The following SPTB variants were observed in gnomAD, a reference collection of about 807,000 sequenced individuals.
SPTB encodes the protein spectrin beta, erythrocytic.
A neutral mutation model predicts 256.2 loss-of-function variants in SPTB; 45 were observed. The ratio of observed to expected loss-of-function variants is 0.18; its 90% CI spans 0.14 to 0.23. The LOEUF (loss-of-function observed/expected upper bound fraction) is 0.23. Among genes scored for constraint, SPTB ranks in the 10% least tolerant of loss-of-function variants. The probability of loss-of-function intolerance (pLI) is 1.00; values close to 1 mark genes in which losing one functional copy is unlikely to be tolerated. For synonymous variants in SPTB, 1,231 were observed against 1,243.1 expected, an observed-to-expected ratio of 0.99 and a Z score of 0.21; for missense variants, 2,715 against 3,040.4, an observed-to-expected ratio of 0.89 and a Z score of 2.52.
intron 10 of SPTB, 105 bp downstream of exon 10, chr14:64,797,624 C>T (rs2082801059): frequency 2.1e-6 from 2 of 959,592 alleles, no homozygotes; most frequent in Admixed American, 3.4e-5. Context: ...TTAATAACAT[C>T]AAAGAAAGTG....
In SPTB at chr14:64,796,592, T is replaced by G; in HGVS notation, c.1306A>C (p.Thr436Pro). 1 of 1,614,100 alleles carries G rather than the reference T, an allele frequency of 6.2e-7. No individual in the cohort carries two copies. The highest frequency in any genetic ancestry group is 8.5e-7 in the Non-Finnish European group (1 of 1,179,960). ...RFDRKAAMRE[T>P]WLSENQRLVA... ...AGGCGCTGGTTTTCACTGAGCCAGG[T>G]CTCTCTCATTGCGGCCTTCCGGTCA... is the stretch of plus-strand genomic sequence containing the variant. Residue 436 changes from threonine to proline, a missense_variant, in exon 11 of 36, where the codon ACC becomes CCC. Thr to Pro is a conservative substitution (Grantham distance 38). Around this residue, in one of 4 missense-constraint regions of SPTB, gnomAD observed 416 missense variants for 571.1 expected, o/e 0.73. Transcript: ENST00000644917. This position sits in a 1 kb window ranked among gnomAD's most constrained non-coding sequence, Gnocchi z 4.1.
chr14:64,750,877 A>G (rs928011151), intron 33 of SPTB, among the ~76,000 whole-genome samples: 7 of 146,440 alleles, frequency 4.8e-5, no homozygotes, highest in Non-Finnish European at 1.0e-4. Flanking sequence ...CCTATTATGT[A>G]TAATATATAT....
Position 64,799,954 on chromosome 14 carries a change from C to T in SPTB, c.877-20G>A, listed in dbSNP as rs1033646874. On this transcript the variant is annotated intron_variant, in intron 8 of 35. Coordinates refer to ENST00000644917, the MANE Select transcript of SPTB (RefSeq NM_001355436.2). Reference sequence around the variant, plus strand: ...AATAACCTAAGGAATCATCTTCTTACTTATTCTCATCAGAAGGGCAATGCC... The same window carrying T: ...AATAACCTAAGGAATCATCTTCTTATTTATTCTCATCAGAAGGGCAATGCC... The T allele has an allele frequency of 6.2e-7, 1 of 1,613,708 alleles. No homozygotes were observed. The highest frequency in any genetic ancestry group is 8.5e-7 in the Non-Finnish European group (1 of 1,179,908).
In SPTB at chr14:64,760,353, C is replaced by T. The variant is rs2082076248; in HGVS notation, c.6345+6373G>A. On this transcript the variant is annotated intron_variant, in intron 32 of 35. Coordinates refer to ENST00000644917, the MANE Select transcript of SPTB (RefSeq NM_001355436.2). This position sits in a 1 kb window ranked among gnomAD's most constrained non-coding sequence, Gnocchi z 4.3. ...GGAGGTGAAGGTGTATGTCCAGGCT[C>T]AACCAGCAGGTGGCGCGGGGGACTG... Among the ~76,000 whole-genome samples, 1 of 152,150 alleles carries T rather than the reference C, an allele frequency of 6.6e-6. No individual in the cohort carries two copies. Among genetic ancestry groups the T allele is most frequent in the African/African-American group, 2.4e-5 (1 of 41,428 alleles).
In SPTB at chr14:64,873,212, T is replaced by C. The variant is rs189599865; in HGVS notation, c.-52+6580A>G. On this transcript the variant is annotated intron_variant, in intron 1 of 35. Transcript: ENST00000644917. This position sits in a 1 kb window ranked among gnomAD's most constrained non-coding sequence, Gnocchi z 4.3. ...CTTGAAATTACAATATATATTTTTG[T>C]CTGTTGCTTGTCATTTAGTTCCTCT... Among the ~76,000 whole-genome samples, 2 of 152,368 alleles carry C rather than the reference T, an allele frequency of 1.3e-5. No individual in the cohort carries two copies. The highest frequency in any genetic ancestry group is 3.9e-4 in the East Asian group (2 of 5,190).
Position 64,799,877 on chromosome 14 carries a change from A to G in SPTB, c.934T>C (p.Ser312Pro). 3 of 1,614,222 alleles carry G rather than the reference A, an allele frequency of 1.9e-6. No homozygotes were observed. The highest frequency in any genetic ancestry group is 2.5e-6 in the Non-Finnish European group (3 of 1,180,044). The change falls in exon 9 of 36, where the codon TCG (serine) becomes CCG (proline). Residue 312 changes from serine to proline, a missense_variant. Ser to Pro is a moderately conservative substitution (Grantham distance 74). Coordinates refer to ENST00000644917, the MANE Select transcript of SPTB (RefSeq NM_001355436.2). ...KMIEKYSGLA[S>P]DLLTWIEQTI... ...TGCTCGATCCAGGTGAGCAGGTCCGAGGCTAGCCCGCTGTACTTTTCAATC... is the reference window on the plus strand; with the variant it reads ...TGCTCGATCCAGGTGAGCAGGTCCGGGGCTAGCCCGCTGTACTTTTCAATC...
chr14:64,866,709 C>A lies in SPTB; in HGVS notation c.-52+13083G>T, dbSNP rs1027620966. On this transcript the variant is annotated intron_variant, in intron 1 of 35. Coordinates refer to ENST00000644917, the MANE Select transcript of SPTB (RefSeq NM_001355436.2). This position sits in a 1 kb window ranked among gnomAD's most constrained non-coding sequence, Gnocchi z 4.6. The stretch of plus-strand genomic sequence containing the variant: ...TGAGTCCAGCCGTTGGTGAGGCTCA[C>A]TTTTTGTCCGGGTAAGGCAGAAATG... 6.6e-6 allele frequency among the ~76,000 whole-genome samples: 1 copy of A among 152,070 alleles called. No individual in the cohort carries two copies. Among genetic ancestry groups the A allele is most frequent in the Non-Finnish European group, 1.5e-5 (1 of 68,006 alleles).
In SPTB at chr14:64,795,667, C is replaced by T. The variant is rs755382994; in HGVS notation, c.1342-28G>A. 2 of 1,612,882 alleles carry T rather than the reference C, an allele frequency of 1.2e-6. No homozygotes were observed. Among genetic ancestry groups the T allele is most frequent in the Non-Finnish European group, 1.7e-6 (2 of 1,179,722 alleles). On this transcript the variant is annotated intron_variant, in intron 11 of 35. Coordinates refer to ENST00000644917, the MANE Select transcript of SPTB (RefSeq NM_001355436.2). This position sits in a 1 kb window ranked among gnomAD's most constrained non-coding sequence, Gnocchi z 6.5. ...GCCCCACCGGGAGAAAAACAGGCAG[C>T]TCAGTCAGACACCCAGGGGCTCATC...
rs1189194929 is a variant in SPTB, at chr14:64,791,732, G to A, written c.2791C>T (p.His931Tyr). The A allele has an allele frequency of 2.5e-6, 4 of 1,614,146 alleles. No homozygotes were observed. Among genetic ancestry groups the A allele is most frequent in the African/African-American group, 1.3e-5 (1 of 75,032 alleles). Residue 931 changes from histidine (H) to tyrosine (Y), a missense_variant, in exon 15 of 36, where the codon CAT becomes TAT. His to Tyr is a moderately conservative substitution (Grantham distance 83, BLOSUM62 2). Transcript: ENST00000644917. ...CCCACACCCCACCTGGTGTTCAGAT[G>A]GTCCTGGTACTGCTTCACCTCCCTG... ...RSREVKQYQD[H>Y]LNTRWQAFQT... is the part of the protein sequence containing the mutation.
chr14:64,865,834 A>G (rs1882150392), intron 1 of SPTB, among the ~76,000 whole-genome samples: 3 of 151,308 alleles, frequency 2.0e-5, no homozygotes, highest in Admixed American at 2.0e-4. Flanking sequence ...ATCTTACTTC[A>G]CTCCCCGTAC....
At chr14:64,843,344 AG>A (rs2083637400) in intron 1 of SPTB, among the ~76,000 whole-genome samples, 1 of 152,162 alleles carries the variant, frequency 6.6e-6, no homozygotes, top group African/African-American at 2.4e-5. Context: ...CAGGATGCAG[AG>A]CAGTCACGCA....
chr14:64,747,568 A>ACAT lies in SPTB; in HGVS notation c.*1735_*1737dup. The ACAT allele has an allele frequency of 6.6e-6, 1 of 152,512 alleles. No homozygotes were observed. Among genetic ancestry groups the ACAT allele is most frequent in the East Asian group, 1.9e-4 (1 of 5,172 alleles). 9.4% of individuals were successfully genotyped at this position (152,512 alleles called of 1,614,324 possible). On this transcript the variant is annotated 3_prime_UTR_variant, in exon 36 of 36. Coordinates refer to ENST00000644917, the MANE Select transcript of SPTB (RefSeq NM_001355436.2). ...GCCTGCTGCAGTTGGTGTCACCCTG[A>ACAT]CATATAGTGTCAGGGCCACAGGGTG...
chr14:64,857,875 C>T (rs925350609), intron 1 of SPTB, among the ~76,000 whole-genome samples: 3 of 152,062 alleles, frequency 2.0e-5, no homozygotes, highest in Non-Finnish European at 4.4e-5. Context: ...ATGAGATCTG[C>T]TAAAAAGCAA....
At position 64,772,506 on chromosome 14, in the gene SPTB, G is replaced by A; in HGVS notation, c.5553+74C>T. ...CACTTATCCTAGAGGTTTTCCTGCT[G>A]ACAGCCAGGTGGGGACTGACACCCA... On this transcript the variant is annotated intron_variant, in intron 26 of 35. Coordinates refer to ENST00000644917, the MANE Select transcript of SPTB (RefSeq NM_001355436.2). This position sits in a 1 kb window ranked among gnomAD's most constrained non-coding sequence, Gnocchi z 5.4. The A allele has an allele frequency of 1.3e-6, 2 of 1,578,828 alleles. No homozygotes were observed. The highest frequency in any genetic ancestry group is 2.2e-4 in the Middle Eastern group (1 of 4,462).
intron 2 of SPTB, among the ~76,000 whole-genome samples, chr14:64,813,338 TCAGAAAGATAAGTAGGA>T (rs1013959900): frequency 1.3e-5 from 2 of 152,016 alleles, no homozygotes; most frequent in African/African-American, 4.8e-5. Context: ...AACTAGGAGG[TCAGAAAGATAAGTAGGA>T]GCCAAGGCAC....
Position 64,792,506 on chromosome 14 carries a change from T to G in SPTB, c.2666+491A>C, listed in dbSNP as rs933595902. Among the ~76,000 whole-genome samples, 1 of 152,154 alleles carries G rather than the reference T, an allele frequency of 6.6e-6. No homozygotes were observed. The highest frequency in any genetic ancestry group is 1.5e-5 in the Non-Finnish European group (1 of 68,024). The stretch of plus-strand genomic sequence containing the variant: ...GATGCTGCACAGACTGGGGCATGCC[T>G]CATCATCTGGGGTGCTGACAAAATC... On this transcript the variant is annotated intron_variant, in intron 14 of 35. Coordinates refer to ENST00000644917, the MANE Select transcript of SPTB (RefSeq NM_001355436.2). This position sits in a 1 kb window ranked among gnomAD's most constrained non-coding sequence, Gnocchi z 4.2.
intron 32 of SPTB, among the ~76,000 whole-genome samples, chr14:64,757,822 G>A (rs988277516): frequency 2.4e-4 from 37 of 151,914 alleles, no homozygotes; most frequent in African/African-American, 6.8e-4. Flanking sequence ...AGGGAGTAAG[G>A]AGGACAGGGA....
rs8017473 is a variant in SPTB at position 64,772,020 on chromosome 14, G to A, written c.5553+560C>T. Among the ~76,000 whole-genome samples the A allele has an allele frequency of 0.049, 7,452 of 152,260 alleles. 654 individuals carry two copies. Among genetic ancestry groups the A allele is most frequent in the African/African-American group, 0.17 (7,034 of 41,526 alleles). ...TCTGCGGAGGGCACTCCAGTGATGG[G>A]GCAGGGGTCTGAACAGTAGAACTTG... On this transcript the variant is annotated intron_variant, in intron 26 of 35. Coordinates refer to ENST00000644917, the MANE Select transcript of SPTB (RefSeq NM_001355436.2). This position sits in a 1 kb window ranked among gnomAD's most constrained non-coding sequence, Gnocchi z 5.4.
chr14:64,828,288 T>C (rs759779375), intron 1 of SPTB, among the ~76,000 whole-genome samples: 1 of 150,766 alleles, frequency 6.6e-6, no homozygotes, highest in Non-Finnish European at 1.5e-5. Flanking sequence ...CCAGTTATGC[T>C]GCAGCTGCTG....
Sources: gnomAD v4.1 joint callset for allele counts (sites outside exome capture counted in the v4.1 genomes callset) on GRCh38, gnomAD v4.1.1 for gene constraint, gnomAD v4.1.1 regional missense constraint, Gnocchi (gnomAD v3.1) non-coding constraint, MANE v1.5 for transcripts, NCBI Gene and HGNC (gene_info 2026-07-23, HGNC 2026-07-21) for gene names.